Variants in PTPRG observed in about 807,000 individuals in gnomAD.
The protein encoded by PTPRG is receptor-type tyrosine-protein phosphatase gamma.
In PTPRG, 102 loss-of-function variants were observed where a neutral mutation model predicts 165.3. That is an observed-to-expected ratio of 0.62 (90% confidence interval 0.53 to 0.73). PTPRG has a LOEUF of 0.73. Ranked by LOEUF, PTPRG falls within the 30% of genes least tolerant of loss-of-function variation. PTPRG has a pLI of 0.00. For synonymous variants in PTPRG, 675 were observed against 669.5 expected (o/e 1.01, Z -0.13); for missense variants, 1,866 against 1,861.4 (o/e 1.00, Z -0.05).
At chr3:62,169,095 G>T (rs1705113313) in intron 8 of PTPRG, among the ~76,000 whole-genome samples, 1 of 152,124 alleles carries the variant, frequency 6.6e-6, no homozygotes. Context: ...GGAGCCTGGG[G>T]TCTGGGGTTT....
chr3:62,157,464 T>C (rs918460596), intron 7 of PTPRG, among the ~76,000 whole-genome samples: 1 of 152,208 alleles, frequency 6.6e-6, no homozygotes, highest in Non-Finnish European at 1.5e-5. Context: ...GAAATCTGAG[T>C]ATTGTTTAAG....
At chr3:61,920,328 G>T in intron 2 of PTPRG, among the ~76,000 whole-genome samples, 1 of 149,062 alleles carries the variant, frequency 6.7e-6, no homozygotes, top group Admixed American at 6.7e-5. Flanking sequence ...GTTTGTACAT[G>T]AATGAGCATC....
chr3:61,642,493 AC>A (rs1187061504), intron 1 of PTPRG, among the ~76,000 whole-genome samples: 1 of 152,212 alleles, frequency 6.6e-6, no homozygotes, highest in East Asian at 1.9e-4. Flanking sequence ...TGGTGACTGG[AC>A]CCACAATACC....
chr3:62,009,871 G>A (rs1166267534), intron 4 of PTPRG, among the ~76,000 whole-genome samples: 4 of 152,132 alleles, frequency 2.6e-5, no homozygotes, highest in Admixed American at 6.5e-5. Flanking sequence ...GGGTAGCACC[G>A]CTTAAATAAT....
intron 2 of PTPRG, among the ~76,000 whole-genome samples, chr3:61,835,865 A>AC (rs1312163115): frequency 1.3e-5 from 2 of 151,282 alleles, no homozygotes; most frequent in African/African-American, 4.9e-5. Context: ...ACATGGTGAA[A>AC]CCCCATCTCT....
At chr3:61,663,641 A>G (rs571077162) in intron 1 of PTPRG, among the ~76,000 whole-genome samples, 35 of 152,230 alleles carry the variant, frequency 2.3e-4, no homozygotes, top group African/African-American at 8.2e-4. Flanking sequence ...GCAATATATA[A>G]TGAAATAATT....
chr3:61,661,341 AAG>A (rs1702662754), intron 1 of PTPRG, among the ~76,000 whole-genome samples: 1 of 151,942 alleles, frequency 6.6e-6, no homozygotes. Context: ...TTAAATTTTT[AAG>A]AGAGAAGTGA....
chr3:61,852,983 T>G (rs1249810352), intron 2 of PTPRG, among the ~76,000 whole-genome samples: 2 of 152,232 alleles, frequency 1.3e-5, no homozygotes, highest in African/African-American at 4.8e-5. Flanking sequence ...CCCTTCCTCT[T>G]TGCATCTGTT....
intron 1 of PTPRG, among the ~76,000 whole-genome samples, chr3:61,632,624 G>A (rs1020911407): frequency 4.6e-5 from 7 of 152,202 alleles, no homozygotes; most frequent in Non-Finnish European, 8.8e-5. Flanking sequence ...TCATCTGCTA[G>A]TTATTTGGAA....
chr3:61,758,516 A>G (rs1443673840), intron 2 of PTPRG, among the ~76,000 whole-genome samples: 1 of 152,080 alleles, frequency 6.6e-6, no homozygotes, highest in Admixed American at 6.5e-5. Context: ...AAGTGGCACA[A>G]TCTTAGTTCA....
intron 4 of PTPRG, among the ~76,000 whole-genome samples, chr3:62,045,872 A>C (rs1021951265): frequency 6.6e-6 from 1 of 152,232 alleles, no homozygotes; most frequent in African/African-American, 2.4e-5. Flanking sequence ...TTATCTTTGC[A>C]TGGGCAAAGG....
At chr3:61,564,223 C>T (rs1157822763) in intron 1 of PTPRG, among the ~76,000 whole-genome samples, 2 of 152,228 alleles carry the variant, frequency 1.3e-5, no homozygotes, top group South Asian at 2.1e-4. Context: ...ACGGACTTGA[C>T]GACTGAGCGG....
intron 2 of PTPRG, among the ~76,000 whole-genome samples, chr3:61,791,911 T>A (rs2034886959): frequency 6.6e-6 from 1 of 152,212 alleles, no homozygotes. Flanking sequence ...GTGAATTTAT[T>A]TTTATCTCAC....
chr3:62,102,239 C>A (rs745521858), intron 5 of PTPRG, among the ~76,000 whole-genome samples: 1 of 151,960 alleles, frequency 6.6e-6, no homozygotes, highest in Non-Finnish European at 1.5e-5. Flanking sequence ...TGTTTGGACA[C>A]CTTTCTTTCT....
chr3:62,157,334 A>G, intron 7 of PTPRG, 110 bp downstream of exon 7: 2 of 1,099,774 alleles, frequency 1.8e-6, no homozygotes, highest in Non-Finnish European at 2.6e-6. Flanking sequence ...GATCCTGTGC[A>G]TATCATTGAT....
intron 2 of PTPRG, chr3:61,753,746 A>G (rs2033538735): frequency 2.8e-6 from 1 of 356,892 alleles, no homozygotes; most frequent in African/African-American, 2.2e-5. Flanking sequence ...GGTGTGCACA[A>G]TCACACTCCC....
chr3:61,631,190 A>G (rs1701766642), intron 1 of PTPRG, among the ~76,000 whole-genome samples: 1 of 150,410 alleles, frequency 6.6e-6, no homozygotes, highest in South Asian at 2.1e-4. Flanking sequence ...TTTTACTACT[A>G]TCTTGAAATT....
chr3:61,789,283 G>A (rs916090523), intron 2 of PTPRG, among the ~76,000 whole-genome samples: 3 of 151,890 alleles, frequency 2.0e-5, no homozygotes, highest in South Asian at 2.1e-4. Context: ...AAAATTTTTT[G>A]TAGAGACGGG....
At chr3:62,239,129 A>G (rs1232374341) in intron 14 of PTPRG, among the ~76,000 whole-genome samples, 1 of 152,164 alleles carries the variant, frequency 6.6e-6, no homozygotes, top group East Asian at 1.9e-4. Flanking sequence ...TATTTCATTG[A>G]TTTCCCTTTT....
Sources: allele counts gnomAD v4.1 joint callset (sites outside exome capture counted in the v4.1 genomes callset), GRCh38; gene constraint gnomAD v4.1.1; transcripts MANE v1.5; gene names NCBI Gene and HGNC (gene_info 2026-07-23, HGNC 2026-07-21).